The following GALNT9 variants were observed in gnomAD, a reference collection of about 807,000 sequenced individuals.
The protein encoded by GALNT9 is polypeptide N-acetylgalactosaminyltransferase 9, also known as GalNAc transferase 9.
A neutral mutation model predicts 63.1 loss-of-function variants in GALNT9; 47 were observed. That is an observed-to-expected ratio of 0.75 (90% CI 0.59 to 0.95). The LOEUF (loss-of-function observed/expected upper bound fraction) is 0.95, where lower values mean the gene tolerates loss of function less well. Ranked by LOEUF, GALNT9 falls within the 40% of genes least tolerant of loss-of-function variation. GALNT9 has a pLI of 0.00. For missense variants in GALNT9, 829 were observed against 874.8 expected (o/e 0.95, Z 0.66); for synonymous variants, 396 against 365.7 (o/e 1.08, Z -0.94).
At chr12:132,247,833 C>T (rs970402856) in intron 6 of GALNT9, 77 bp downstream of exon 6, 1 of 1,543,440 alleles carries the variant, frequency 6.5e-7, no homozygotes. Context: ...CGCGGCCTCA[C>T]TCGCCCTCAT....
chr12:132,217,966 C>A (rs1156604883), intron 6 of GALNT9, among the ~76,000 whole-genome samples: 1 of 151,562 alleles, frequency 6.6e-6, no homozygotes, highest in Non-Finnish European at 1.5e-5. Flanking sequence ...ATCCATCTAC[C>A]CACCCACTCA....
intron 1 of GALNT9, among the ~76,000 whole-genome samples, chr12:132,292,996 G>A (rs554171462): frequency 2.6e-5 from 4 of 152,328 alleles, no homozygotes; most frequent in East Asian, 1.9e-4. Flanking sequence ...TAGGAATTCC[G>A]CACACTTGAA....
chr12:132,235,306 G>A lies in GALNT9; in HGVS notation c.1077+12604C>T, dbSNP rs1044146040. 4.8e-3 allele frequency among the ~76,000 whole-genome samples: 732 copies of A among 152,172 alleles called. 22 individuals are homozygous for A. In the East Asian group the frequency reaches 0.066, roughly 14 times the overall value. ...GCCGGGTGCGGTGGGCGCTGTGCAC[G>A]GTGTGGTCATTGGAGCTGGGACCCG... is the stretch of plus-strand genomic sequence containing the variant. On this transcript the variant is annotated intron_variant, in intron 6 of 10. Transcript: ENST00000328957.
chr12:132,267,771 TCA>T (rs1303848324), intron 2 of GALNT9, among the ~76,000 whole-genome samples: 14 of 124,084 alleles, frequency 1.1e-4, no homozygotes, highest in South Asian at 7.8e-4. Flanking sequence ...ACACATGCAC[TCA>T]CACACACGCA....
rs1229313410 is a variant in GALNT9 at position 132,329,378 on chromosome 12, G to C, written c.-175C>G. 66 of 978,684 alleles carry C rather than the reference G, an allele frequency of 6.7e-5. No individual in the cohort carries two copies. Among genetic ancestry groups the C allele is most frequent in the Non-Finnish European group, 9.0e-5 (66 of 731,654 alleles). The allele number at this position is 978,684 out of a possible 1,614,324, so 60.6% of individuals were successfully genotyped here. ...CAGCGCGCCGGGCCACGGCCGCCGG[G>C]GGTCCCCCAGAGCGCAGAGGGCTGC... On this transcript the variant is annotated 5_prime_UTR_variant, in exon 1 of 11. Transcript: ENST00000328957.
intron 6 of GALNT9, chr12:132,240,800 ATGC>A (rs1878255171): frequency 2.3e-6 from 1 of 443,106 alleles, no homozygotes; most frequent in Non-Finnish European, 4.6e-6. Flanking sequence ...GTTTACACAC[ATGC>A]CACACACCCT....
chr12:132,304,749 A>G (rs1311458681), intron 1 of GALNT9, among the ~76,000 whole-genome samples: 1 of 49,664 alleles, frequency 2.0e-5, no homozygotes, highest in Non-Finnish European at 3.6e-5. Flanking sequence ...ACCCAGACAC[A>G]GCCTCGCCCG....
At chr12:132,198,515 C>A (rs1223601012) in intron 9 of GALNT9, among the ~76,000 whole-genome samples, 1 of 149,692 alleles carries the variant, frequency 6.7e-6, no homozygotes, top group Non-Finnish European at 1.5e-5. Flanking sequence ...AGCACTATTG[C>A]CGTGTTAATC....
chr12:132,239,859 G>A (rs1555236737), intron 6 of GALNT9, among the ~76,000 whole-genome samples: 1 of 152,120 alleles, frequency 6.6e-6, no homozygotes, highest in Non-Finnish European at 1.5e-5. Flanking sequence ...GACACAAGGA[G>A]ATAGAGTGAC....
chr12:132,246,882 G>A lies in GALNT9; in HGVS notation c.1077+1028C>T, dbSNP rs1221494652. 6.6e-6 allele frequency among the ~76,000 whole-genome samples: 1 copy of A among 152,180 alleles called. No individual in the cohort carries two copies. Among genetic ancestry groups the A allele is most frequent in the Non-Finnish European group, 1.5e-5 (1 of 68,028 alleles). On this transcript the variant is annotated intron_variant, in intron 6 of 10. Transcript: ENST00000328957. This position sits in a 1 kb window ranked among gnomAD's most constrained non-coding sequence, Gnocchi z 4.7. ...CTGAGTTAAACAATCGCGGCCACGGGGAAGGAGGCCGTTTTATTGATTGAA... is the reference window on the plus strand; with the variant it reads ...CTGAGTTAAACAATCGCGGCCACGGAGAAGGAGGCCGTTTTATTGATTGAA...
intron 2 of GALNT9, chr12:132,276,297 G>C (rs964027705): frequency 6.5e-6 from 1 of 154,878 alleles, no homozygotes; most frequent in African/African-American, 2.4e-5. Context: ...CTGGGGAACC[G>C]GCCGCAGCTC....
At chr12:132,298,567 G>T (rs1454988235) in intron 1 of GALNT9, among the ~76,000 whole-genome samples, 1 of 149,880 alleles carries the variant, frequency 6.7e-6, no homozygotes, top group Non-Finnish European at 1.5e-5. Context: ...CCACTGCTGA[G>T]ATAACCCACT....
intron 8 of GALNT9, chr12:132,200,736 G>T (rs1047077915): frequency 4.9e-5 from 10 of 204,774 alleles, no homozygotes; most frequent in African/African-American, 2.1e-4. Flanking sequence ...CTAGGTGAGT[G>T]CATGTATCCC....
At chr12:132,278,528 C>T (rs1232114520) in intron 2 of GALNT9, 1 of 152,190 alleles carries the variant, frequency 6.6e-6, no homozygotes, top group Non-Finnish European at 1.5e-5. Flanking sequence ...ACCTGCGGGC[C>T]AGTGACTCAG....
At chr12:132,303,962 CACAG>C (rs1881442384) in intron 1 of GALNT9, among the ~76,000 whole-genome samples, 1 of 39,420 alleles carries the variant, frequency 2.5e-5, no homozygotes, top group Non-Finnish European at 4.7e-5. Context: ...CTCACCTGGG[CACAG>C]CCTCACCGGG....
intron 6 of GALNT9, chr12:132,240,502 C>T (rs1878214850): frequency 2.4e-6 from 1 of 416,098 alleles, no homozygotes; most frequent in Non-Finnish European, 4.7e-6. Context: ...CCGGGCGGCA[C>T]TCACTCCAGT....
Position 132,303,407 on chromosome 12 carries a change from C to G in GALNT9, c.239-16977G>C, listed in dbSNP as rs782586967. ...GGGGCACAGCCTCGCCCGGGCACAC[C>G]CTCACCCGGGCACAGCCTCGCCCGG... On this transcript the variant is annotated intron_variant, in intron 1 of 10. Transcript: ENST00000328957. Among the ~76,000 whole-genome samples the G allele has an allele frequency of 1.5e-4, 20 of 134,554 alleles. 1 individual carries two copies. Among genetic ancestry groups the G allele is most frequent in the East Asian group, 2.8e-4 (1 of 3,582 alleles). The allele number at this position is 134,554 out of a possible 152,430, so 88.3% of individuals were successfully genotyped here.
chr12:132,270,689 T>C (rs1388467448), intron 2 of GALNT9, among the ~76,000 whole-genome samples: 1 of 149,844 alleles, frequency 6.7e-6, no homozygotes, highest in Non-Finnish European at 1.5e-5. Flanking sequence ...GCCACAGCCA[T>C]GGCCACAGCC....
intron 2 of GALNT9, among the ~76,000 whole-genome samples, chr12:132,264,394 G>A (rs751006209): frequency 6.6e-6 from 1 of 152,268 alleles, no homozygotes; most frequent in Non-Finnish European, 1.5e-5. Context: ...AGCAGGAAGG[G>A]GGCTGGTGGC....
Sources: gnomAD v4.1 joint callset for allele counts (sites outside exome capture counted in the v4.1 genomes callset) on GRCh38, gnomAD v4.1.1 for gene constraint, Gnocchi (gnomAD v3.1) non-coding constraint, MANE v1.5 for transcripts, NCBI Gene and HGNC (gene_info 2026-07-23, HGNC 2026-07-21) for gene names.